Variants in MTCL2 observed in about 807,000 individuals in gnomAD.
MTCL2 encodes the protein microtubule cross-linking factor 2.
the MTCL2 span, among the ~76,000 whole-genome samples, chr20:36,832,090 T>C: frequency 2.0e-5 from 3 of 152,204 alleles, no homozygotes; most frequent in Non-Finnish European, 2.9e-5. Context: ...GCCTAATAAA[T>C]GCTTGTTGGA....
the MTCL2 span, among the ~76,000 whole-genome samples, chr20:36,818,884 C>G: frequency 4.2e-3 from 635 of 152,276 alleles, 17 homozygotes; most frequent in Admixed American, 0.038. Context: ...ATATGAAAAA[C>G]AGTTCACAGG....
At chr20:36,795,801 C>A in the MTCL2 span, among the ~76,000 whole-genome samples, 2 of 151,246 alleles carry the variant, frequency 1.3e-5, no homozygotes, top group African/African-American at 4.9e-5. Flanking sequence ...ACAAAAAAAA[C>A]AAAACACACG....
chr20:36,844,886 G>A, the MTCL2 span, among the ~76,000 whole-genome samples: 1 of 151,658 alleles, frequency 6.6e-6, no homozygotes, highest in Non-Finnish European at 1.5e-5. Context: ...CAGGCATGGT[G>A]GCAGGTGCCT....
chr20:36,803,817 A>G, the MTCL2 span, among the ~76,000 whole-genome samples: 1 of 152,054 alleles, frequency 6.6e-6, no homozygotes, highest in South Asian at 2.1e-4. Flanking sequence ...TTAGCTGGGC[A>G]TGGTGGTGTG....
chr20:36,863,056 C>T, the MTCL2 span: 7 of 1,410,242 alleles, frequency 5.0e-6, no homozygotes, highest in African/African-American at 9.1e-5. This position sits in a 1 kb window ranked among gnomAD's most constrained non-coding sequence, Gnocchi z 6.2. Context: ...CGGCCCTTGG[C>T]ACGGACCCCG....
the MTCL2 span, chr20:36,794,092 C>T: frequency 6.4e-6 from 10 of 1,551,336 alleles, no homozygotes; most frequent in South Asian, 2.4e-5. This position sits in a 1 kb window ranked among gnomAD's most constrained non-coding sequence, Gnocchi z 5.4. Flanking sequence ...CATGCAGGGC[C>T]GCTGGGAAGC....
chr20:36,810,961 A>G, the MTCL2 span, among the ~76,000 whole-genome samples: 2 of 152,142 alleles, frequency 1.3e-5, no homozygotes, highest in Non-Finnish European at 1.5e-5. Flanking sequence ...GGCTTAAGCA[A>G]TCTGCCCACC....
chr20:36,784,085 C>G, the MTCL2 span: 1 of 985,608 alleles, frequency 1.0e-6, no homozygotes, highest in Non-Finnish European at 1.2e-6. Context: ...TCTTGGGGCT[C>G]AGGTCCCACG....
At chr20:36,857,313 G>T in the MTCL2 span, among the ~76,000 whole-genome samples, 2 of 152,080 alleles carry the variant, frequency 1.3e-5, no homozygotes, top group African/African-American at 4.8e-5. Context: ...CAGGGTCTGA[G>T]CCTCCGTTGT....
chr20:36,859,238 G>A, the MTCL2 span, among the ~76,000 whole-genome samples: 1 of 152,238 alleles, frequency 6.6e-6, no homozygotes, highest in African/African-American at 2.4e-5. Flanking sequence ...CACCCAGTGG[G>A]TTCCTACATG....
the MTCL2 span, chr20:36,863,004 G>A: frequency 7.1e-6 from 10 of 1,402,396 alleles, no homozygotes; most frequent in African/African-American, 1.5e-4. The surrounding 1 kb of genome is among the most constrained non-coding windows in gnomAD (Gnocchi z 6.2). Context: ...CGTGAGGCTG[G>A]GGGGCGGCGG....
chr20:36,807,563 C>T, the MTCL2 span, among the ~76,000 whole-genome samples: 1 of 152,178 alleles, frequency 6.6e-6, no homozygotes, highest in Non-Finnish European at 1.5e-5. Flanking sequence ...TGACAGGACG[C>T]AAGGGCTTTG....
chr20:36,861,100 C>G, the MTCL2 span, among the ~76,000 whole-genome samples: 1 of 152,152 alleles, frequency 6.6e-6, no homozygotes, highest in Non-Finnish European at 1.5e-5. Context: ...TAGCAGGAAC[C>G]GGGAGGCAGG....
At chr20:36,802,982 C>T in the MTCL2 span, 3 of 1,592,386 alleles carry the variant, frequency 1.9e-6, no homozygotes, top group Non-Finnish European at 2.6e-6. Context: ...GCTGCCGAGT[C>T]AGCTCCATGA....
At chr20:36,785,078 G>A in the MTCL2 span, 8 of 985,354 alleles carry the variant, frequency 8.1e-6, no homozygotes, top group Admixed American at 6.1e-5. Flanking sequence ...CACCTTGTCA[G>A]TGAGTATTTA....
chr20:36,846,463 AC>A, the MTCL2 span, among the ~76,000 whole-genome samples: 1 of 152,214 alleles, frequency 6.6e-6, no homozygotes, highest in South Asian at 2.1e-4. Context: ...GGACCAGGGC[AC>A]CCACACTGCT....
chr20:36,809,031 A>G, the MTCL2 span, among the ~76,000 whole-genome samples: 2 of 152,234 alleles, frequency 1.3e-5, no homozygotes, highest in African/African-American at 4.8e-5. Flanking sequence ...ACGAATGCTC[A>G]TGTTCAATGA....
the MTCL2 span, among the ~76,000 whole-genome samples, chr20:36,859,097 C>A: frequency 3.9e-5 from 6 of 152,158 alleles, no homozygotes; most frequent in Non-Finnish European, 7.4e-5. Context: ...GGCCCCATCA[C>A]CTTTATTATA....
the MTCL2 span, among the ~76,000 whole-genome samples, chr20:36,796,297 T>A: frequency 6.6e-6 from 1 of 152,180 alleles, no homozygotes; most frequent in East Asian, 1.9e-4. Flanking sequence ...GTCAAGGTCA[T>A]AGAGCTAGAA....
Sources: allele counts gnomAD v4.1 joint callset (sites outside exome capture counted in the v4.1 genomes callset), GRCh38; gene constraint gnomAD v4.1.1; non-coding constraint Gnocchi (gnomAD v3.1); transcripts MANE v1.5; gene names NCBI Gene and HGNC (gene_info 2026-07-23, HGNC 2026-07-21).